The following RABGAP1L variants were observed in gnomAD, a reference collection of about 807,000 sequenced individuals.
RABGAP1L encodes the protein rab GTPase-activating protein 1-like.
A neutral mutation model predicts 137.7 loss-of-function variants in RABGAP1L; 63 were observed. The ratio of observed to expected loss-of-function variants is 0.46; its 90% confidence interval spans 0.37 to 0.56. The LOEUF is 0.56. Ranked by LOEUF, RABGAP1L falls within the 20% of genes least tolerant of loss-of-function variation. The pLI, the probability that RABGAP1L is intolerant of heterozygous loss-of-function variation, is 0.00. For synonymous variants in RABGAP1L, 431 were observed against 433.7 expected, an observed-to-expected ratio of 0.99 and a Z score of 0.08; for missense variants, 1,095 against 1,244.0, an observed-to-expected ratio of 0.88 and a Z score of 1.80.
At chr1:174,517,370 A>T (rs1345342938) in intron 13 of RABGAP1L, among the ~76,000 whole-genome samples, 1 of 152,110 alleles carries the variant, frequency 6.6e-6, no homozygotes, top group Non-Finnish European at 1.5e-5. Flanking sequence ...TATCCCTGAA[A>T]ATTTTTTGTT....
rs150635528 is a variant in RABGAP1L, at chr1:174,449,806, T to C, written c.1710+55661T>C. On this transcript the variant is annotated intron_variant, in intron 13 of 25. Transcript: ENST00000681986. ...AATGTTCTCTGCAGCACAGTTTTTC[T>C]GCTATAAACAAATAGAAACAGTATT... Among the ~76,000 whole-genome samples the C allele has an allele frequency of 2.4e-4, 36 of 152,342 alleles. No individual in the cohort carries two copies. The East Asian group carries it at 6.9e-3, about 29-fold the overall frequency.
chr1:174,860,019 A>G (rs771067217), intron 19 of RABGAP1L, among the ~76,000 whole-genome samples: 1 of 124,602 alleles, frequency 8.0e-6, no homozygotes, highest in East Asian at 2.3e-4. Context: ...CACATGGTAT[A>G]TTGGTTGCAG....
At position 174,360,837 on chromosome 1, in the gene RABGAP1L, CT is replaced by C. The variant is rs565427313; in HGVS notation, c.1466-10136del. ...CTTAATATTGGACTTTGATATTTAC[CT>C]TTTTTATTCATTTAATTTATTTTTT... is the stretch of plus-strand genomic sequence containing the variant. On this transcript the variant is annotated intron_variant, in intron 11 of 25. Transcript: ENST00000681986. 7.9e-5 allele frequency among the ~76,000 whole-genome samples: 12 copies of C among 152,030 alleles called. No individual in the cohort carries two copies. The East Asian group carries it at 2.3e-3, about 29-fold the overall frequency.
chr1:174,379,216 A>G (rs1685885332), intron 12 of RABGAP1L, among the ~76,000 whole-genome samples: 1 of 149,728 alleles, frequency 6.7e-6, no homozygotes, highest in Non-Finnish European at 1.5e-5. Context: ...GAAGTCAGGT[A>G]GTGTGATGCC....
At chr1:174,188,371 G>A (rs1326591759) in intron 1 of RABGAP1L, among the ~76,000 whole-genome samples, 1 of 152,110 alleles carries the variant, frequency 6.6e-6, no homozygotes, top group Non-Finnish European at 1.5e-5. Context: ...ATTATCAGCT[G>A]GTATGTTTCT....
chr1:174,818,364 G>A (rs1690656450), intron 19 of RABGAP1L, among the ~76,000 whole-genome samples: 1 of 152,126 alleles, frequency 6.6e-6, no homozygotes, highest in South Asian at 2.1e-4. Flanking sequence ...GTACCTAGAG[G>A]TCATGTATAA....
intron 19 of RABGAP1L, among the ~76,000 whole-genome samples, chr1:174,895,561 T>C (rs1005211336): frequency 6.6e-6 from 1 of 152,118 alleles, no homozygotes; most frequent in Non-Finnish European, 1.5e-5. Context: ...TCGTTTACAT[T>C]AGGTATATCT....
intron 3 of RABGAP1L, among the ~76,000 whole-genome samples, chr1:174,227,902 C>A (rs558330486): frequency 6.7e-6 from 1 of 149,570 alleles, no homozygotes; most frequent in South Asian, 2.1e-4. Context: ...AATTAAAGAG[C>A]AAGGAATAGG....
chr1:174,339,354 A>T (rs978092360), intron 11 of RABGAP1L, among the ~76,000 whole-genome samples: 4 of 152,200 alleles, frequency 2.6e-5, no homozygotes, highest in African/African-American at 9.7e-5. Context: ...ATTTCATTAT[A>T]CAGGTGTGAT....
At chr1:174,495,257 G>A (rs1276351391) in intron 13 of RABGAP1L, among the ~76,000 whole-genome samples, 5 of 152,176 alleles carry the variant, frequency 3.3e-5, no homozygotes, top group Non-Finnish European at 7.3e-5. Flanking sequence ...GTGAAAGTCA[G>A]AGAGTGAAAT....
At chr1:174,951,152 CTT>C (rs957778715) in intron 19 of RABGAP1L, among the ~76,000 whole-genome samples, 3 of 152,118 alleles carry the variant, frequency 2.0e-5, no homozygotes, top group African/African-American at 7.2e-5. Context: ...ATCTTTGTAC[CTT>C]TTATAAATAT....
intron 19 of RABGAP1L, among the ~76,000 whole-genome samples, chr1:174,825,825 A>G (rs994282635): frequency 1.3e-5 from 2 of 152,182 alleles, no homozygotes; most frequent in Non-Finnish European, 2.9e-5. Context: ...CAGGAGGCAG[A>G]GGTTACAGTG....
intron 13 of RABGAP1L, among the ~76,000 whole-genome samples, chr1:174,624,044 G>A (rs1458196337): frequency 6.6e-6 from 1 of 152,224 alleles, no homozygotes; most frequent in Non-Finnish European, 1.5e-5. Context: ...TTAAGTTAAA[G>A]TGTTTGCATT....
chr1:174,446,728 A>G (rs1452235549), intron 13 of RABGAP1L, among the ~76,000 whole-genome samples: 1 of 152,250 alleles, frequency 6.6e-6, no homozygotes, highest in African/African-American at 2.4e-5. Context: ...ACAGAAAAAT[A>G]GAAGAGGCAT....
intron 14 of RABGAP1L, among the ~76,000 whole-genome samples, chr1:174,676,199 A>G (rs1046666205): frequency 5.3e-5 from 8 of 152,240 alleles, no homozygotes; most frequent in Admixed American, 4.6e-4. Context: ...AGAAGCTTCT[A>G]TAGACCTGTA....
At chr1:174,495,437 G>A (rs1465581333) in intron 13 of RABGAP1L, among the ~76,000 whole-genome samples, 1 of 152,148 alleles carries the variant, frequency 6.6e-6, no homozygotes, top group Non-Finnish European at 1.5e-5. Context: ...AGTCTAAAAT[G>A]TAGGAGTAAT....
chr1:174,263,776 T>G (rs575085736), intron 7 of RABGAP1L, among the ~76,000 whole-genome samples: 1 of 152,196 alleles, frequency 6.6e-6, no homozygotes, highest in South Asian at 2.1e-4. Context: ...GAGATCTAGC[T>G]TATAATTGGC....
At chr1:174,718,024 G>GT (rs1369568120) in intron 17 of RABGAP1L, among the ~76,000 whole-genome samples, 2 of 152,206 alleles carry the variant, frequency 1.3e-5, no homozygotes, top group Non-Finnish European at 2.9e-5. Flanking sequence ...CTCCTCAACA[G>GT]TAACACCTGA....
At chr1:174,197,057 C>A (rs1667743216) in intron 1 of RABGAP1L, among the ~76,000 whole-genome samples, 1 of 152,154 alleles carries the variant, frequency 6.6e-6, no homozygotes, top group Non-Finnish European at 1.5e-5. Context: ...TTCATATTAT[C>A]ATAAAAGAGA....
Sources: allele counts gnomAD v4.1 joint callset (sites outside exome capture counted in the v4.1 genomes callset), GRCh38; gene constraint gnomAD v4.1.1; transcripts MANE v1.5; gene names NCBI Gene and HGNC (gene_info 2026-07-23, HGNC 2026-07-21).